DYRK1A: variants seen among roughly 807,000 people sequenced by gnomAD.
DYRK1A encodes the protein dual specificity tyrosine-phosphorylation-regulated kinase 1A.
In DYRK1A, 9 loss-of-function variants were observed where a neutral mutation model predicts 79.7. The observed-to-expected ratio is 0.11, with a 90% CI of 0.07 to 0.20. The LOEUF (loss-of-function observed/expected upper bound fraction) is 0.20, where lower values mean the gene tolerates loss of function less well. Among genes scored for constraint, DYRK1A ranks in the 10% least tolerant of loss-of-function variants. DYRK1A has a pLI of 1.00. For missense variants in DYRK1A, 622 were observed against 956.0 expected (o/e 0.65, Z 4.61); for synonymous variants, 349 against 329.7 (o/e 1.06, Z -0.63).
At chr21:37,447,398 C>T (rs1464512879) in intron 2 of DYRK1A, among the ~76,000 whole-genome samples, 1 of 152,028 alleles carries the variant, frequency 6.6e-6, no homozygotes, top group African/African-American at 2.4e-5. Flanking sequence ...AACATAATTT[C>T]AGAATGCCTC....
At chr21:37,383,646 CTCT>C (rs1398366649) in intron 1 of DYRK1A, among the ~76,000 whole-genome samples, 1 of 152,136 alleles carries the variant, frequency 6.6e-6, no homozygotes, top group African/African-American at 2.4e-5. Context: ...ATTTGAGTGC[CTCT>C]TCTTGGCTGC....
chr21:37,404,653 C>T (rs2050116273), intron 1 of DYRK1A, among the ~76,000 whole-genome samples: 1 of 152,202 alleles, frequency 6.6e-6, no homozygotes, highest in African/African-American at 2.4e-5. Flanking sequence ...TCCCAGACAA[C>T]CAGGAGACTC....
chr21:37,455,019 CTT>C (rs72223324), intron 2 of DYRK1A, among the ~76,000 whole-genome samples: 33 of 116,798 alleles, frequency 2.8e-4, no homozygotes, highest in Non-Finnish European at 4.2e-4. Context: ...GGGTGGTCAC[CTT>C]TTTTTTTTTT....
intron 2 of DYRK1A, among the ~76,000 whole-genome samples, chr21:37,434,287 A>T (rs1254529553): frequency 3.9e-5 from 6 of 152,210 alleles, no homozygotes; most frequent in Admixed American, 3.9e-4. Flanking sequence ...ATTTTTCATG[A>T]TGTGGAATGA....
chr21:37,453,824 C>T (rs552695165), intron 2 of DYRK1A, among the ~76,000 whole-genome samples: 5 of 152,102 alleles, frequency 3.3e-5, no homozygotes, highest in East Asian at 1.9e-4. Context: ...TCTTTTTTTA[C>T]GTACAAAATA....
At chr21:37,439,297 A>G (rs2051018822) in intron 2 of DYRK1A, among the ~76,000 whole-genome samples, 1 of 152,224 alleles carries the variant, frequency 6.6e-6, no homozygotes. Context: ...TTGCCGTTCT[A>G]CATTGGCTCC....
chr21:37,479,554 T>C lies in DYRK1A; in HGVS notation c.301-1084T>C, dbSNP rs1330461721. 1.0e-4 allele frequency among the ~76,000 whole-genome samples: 13 copies of C among 128,414 alleles called. No homozygotes were observed. The East Asian group carries it at 2.4e-3, about 23-fold the overall frequency. 84.2% of individuals were successfully genotyped at this position (128,414 alleles called of 152,430 possible). A position where few individuals can be genotyped will look rare whatever the true frequency, so the allele number is the denominator to read the frequency against. On this transcript the variant is annotated intron_variant, in intron 4 of 11. Transcript: ENST00000647188. Reference sequence around the variant, plus strand: ...GACTGTTTCCTAGTTCATCTAGTATTTTTTTTTTTTACTAGTCTTAGAAAC... The same window carrying C: ...GACTGTTTCCTAGTTCATCTAGTATCTTTTTTTTTTACTAGTCTTAGAAAC...
intron 2 of DYRK1A, among the ~76,000 whole-genome samples, chr21:37,463,060 T>G (rs1048394736): frequency 6.6e-6 from 1 of 152,182 alleles, no homozygotes; most frequent in African/African-American, 2.4e-5. Context: ...TCAGTTAATC[T>G]TTCATGCTGA....
chr21:37,481,792 G>T (rs2052651215), intron 5 of DYRK1A: 1 of 152,124 alleles, frequency 6.6e-6, no homozygotes, highest in African/African-American at 2.4e-5. Flanking sequence ...GATCACCTGA[G>T]CCCAGTAATT....
intron 1 of DYRK1A, among the ~76,000 whole-genome samples, chr21:37,407,217 C>T (rs77323289): frequency 0.012 from 1,866 of 152,186 alleles, 37 homozygotes; most frequent in African/African-American, 0.042. Context: ...GGGATGGGAC[C>T]TAAGACTAAA....
rs535825774 is a variant in DYRK1A, at chr21:37,523,386, C to T, written c.*10855C>T. On this transcript the variant is annotated 3_prime_UTR_variant, in exon 12 of 12. Transcript: ENST00000647188. ...GAGAGGGGGCCCCAGGATTATGCCC[C>T]GGGATTAAAAGAAGCTGGGAGGCTC... 1.6e-4 allele frequency: 24 copies of T among 152,218 alleles called. No individual in the cohort carries two copies. The highest frequency in any genetic ancestry group is 3.1e-4 in the Non-Finnish European group (21 of 68,030). 9.4% of individuals were successfully genotyped at this position (152,218 alleles called of 1,614,324 possible).
At chr21:37,463,200 G>T (rs2051904051) in intron 2 of DYRK1A, among the ~76,000 whole-genome samples, 1 of 112,576 alleles carries the variant, frequency 8.9e-6, no homozygotes, top group South Asian at 3.4e-4. Flanking sequence ...TTTAATGTTG[G>T]CACGTGTGTG....
intron 1 of DYRK1A, among the ~76,000 whole-genome samples, chr21:37,394,946 C>G (rs972994317): frequency 6.6e-6 from 1 of 152,210 alleles, no homozygotes; most frequent in Non-Finnish European, 1.5e-5. Flanking sequence ...CAAACGATCT[C>G]AAGTATTCTA....
At position 37,517,824 on chromosome 21, in the gene DYRK1A, GGTTT is replaced by G. The variant is rs1203357904; in HGVS notation, c.*5297_*5300del. 2.0e-5 allele frequency: 3 copies of G among 152,108 alleles called. No individual in the cohort carries two copies. Among genetic ancestry groups the G allele is most frequent in the Non-Finnish European group, 2.9e-5 (2 of 68,024 alleles). 9.4% of individuals were successfully genotyped at this position (152,108 alleles called of 1,614,324 possible). On this transcript the variant is annotated 3_prime_UTR_variant, in exon 12 of 12. Coordinates refer to ENST00000647188, the MANE Select transcript of DYRK1A (RefSeq NM_001347721.2). ...GCAGAGAAGGGCACTGCTGGGGTGG[GGTTT>G]GTTAACTCCCTCTGAAATGAAAGAA...
chr21:37,391,418 A>T (rs1402601638), intron 1 of DYRK1A, among the ~76,000 whole-genome samples: 1 of 152,010 alleles, frequency 6.6e-6, no homozygotes, highest in East Asian at 1.9e-4. Context: ...TTTGTCCATC[A>T]CTGTCTTGTA....
intron 9 of DYRK1A, chr21:37,504,740 G>T (rs1409308875): frequency 1.3e-5 from 2 of 152,868 alleles, no homozygotes; most frequent in African/African-American, 4.8e-5. Flanking sequence ...GAGCAGGTAG[G>T]GTTAGGCCAG....
chr21:37,505,793 G>C (rs1051374276), intron 10 of DYRK1A, among the ~76,000 whole-genome samples: 3 of 152,214 alleles, frequency 2.0e-5, no homozygotes, highest in Non-Finnish European at 4.4e-5. Flanking sequence ...CTGCTTGGCA[G>C]TTGGAAATCT....
In DYRK1A at chr21:37,519,344, G is replaced by T. The variant is rs749727903; in HGVS notation, c.*6813G>T. On this transcript the variant is annotated 3_prime_UTR_variant, in exon 12 of 12. Coordinates refer to ENST00000647188, the MANE Select transcript of DYRK1A (RefSeq NM_001347721.2). ...CCTCTCATTGGCTTCGTGACCCTGG[G>T]TACGCTGCTCAACTTGCGCAAGGAT... is the stretch of plus-strand genomic sequence containing the variant. 1.3e-5 allele frequency: 2 copies of T among 152,284 alleles called. No homozygotes were observed. Among genetic ancestry groups the T allele is most frequent in the Non-Finnish European group, 2.9e-5 (2 of 68,108 alleles). The allele number at this position is 152,284 out of a possible 1,614,324, so 9.4% of individuals were successfully genotyped here. A position where few individuals can be genotyped will look rare whatever the true frequency, so the allele number is the denominator to read the frequency against.
intron 2 of DYRK1A, among the ~76,000 whole-genome samples, chr21:37,447,071 G>A (rs1470845063): frequency 6.6e-6 from 1 of 152,126 alleles, no homozygotes; most frequent in Non-Finnish European, 1.5e-5. Flanking sequence ...AGAGCTTTAT[G>A]TGTAATAAAT....
Sources: allele counts gnomAD v4.1 joint callset (sites outside exome capture counted in the v4.1 genomes callset), GRCh38; gene constraint gnomAD v4.1.1; transcripts MANE v1.5; gene names NCBI Gene and HGNC (gene_info 2026-07-23, HGNC 2026-07-21).